Variants in FAM8A1 observed in about 807,000 individuals in gnomAD.
The protein encoded by FAM8A1 is protein FAM8A1.
A neutral mutation model predicts 38.3 loss-of-function variants in FAM8A1; 18 were observed. That is an observed-to-expected ratio of 0.47 (90% confidence interval 0.33 to 0.70). The LOEUF (loss-of-function observed/expected upper bound fraction) is 0.70, where lower values mean the gene tolerates loss of function less well. Among genes scored for constraint, FAM8A1 ranks in the 30% least tolerant of loss-of-function variants. The probability of loss-of-function intolerance (pLI) is 0.03; values close to 1 mark genes in which losing one functional copy is unlikely to be tolerated. For synonymous variants in FAM8A1, 246 were observed against 234.4 expected (o/e 1.05, Z -0.45); for missense variants, 559 against 559.6 (o/e 1.00, Z 0.01).
chr6:17,601,116 A>T lies in FAM8A1; in HGVS notation c.707A>T (p.Gln236Leu). 1 of 1,590,100 alleles carries T rather than the reference A, an allele frequency of 6.3e-7. No homozygotes were observed. Among genetic ancestry groups the T allele is most frequent in the Non-Finnish European group, 8.5e-7 (1 of 1,171,030 alleles). Residue 236 changes from glutamine to leucine, a missense_variant, in exon 1 of 5, where the codon CAG becomes CTG. By Grantham distance (113) the Gln-to-Leu change is moderately radical. Transcript: ENST00000259963. ...CGAAGCCCGAGCGAGACCGGGCGACAGGCAGGTGAGAAGCGCGAGGTGGAG... is the reference window on the plus strand; with the variant it reads ...CGAAGCCCGAGCGAGACCGGGCGACTGGCAGGTGAGAAGCGCGAGGTGGAG... The part of the protein sequence containing the change: ...PSRSPSETGR[Q>L]AGREYVIPSL...
chr6:17,600,637 C>T lies in FAM8A1; in HGVS notation c.228C>T (p.Arg76=). ...AGCCGCCGCGCGAGCTCAGGAAGCG[C>T]GGGGAGGCGGCCTCCGGCTCCGGTG... ...KLEPPRELRK[R]GEAASGSGAE... Residue 76 remains arginine (R), a synonymous_variant, in exon 1 of 5, where the codon CGC becomes CGT. Transcript: ENST00000259963. The T allele has an allele frequency of 6.5e-7, 1 of 1,535,382 alleles. No individual in the cohort carries two copies. Among genetic ancestry groups the T allele is most frequent in the South Asian group, 1.2e-5 (1 of 83,224 alleles).
rs1448863060 is a variant in FAM8A1 at position 17,608,975 on chromosome 6, A to C, written c.*636A>C. 3 of 152,296 alleles carry C rather than the reference A, an allele frequency of 2.0e-5. No homozygotes were observed. The highest frequency in any genetic ancestry group is 2.1e-4 in the South Asian group (1 of 4,828). 9.4% of individuals were successfully genotyped at this position (152,296 alleles called of 1,614,324 possible). A position where few individuals can be genotyped will look rare whatever the true frequency, so the allele number is the denominator to read the frequency against. On this transcript the variant is annotated 3_prime_UTR_variant, in exon 5 of 5. Transcript: ENST00000259963. ...CTTTACAACTATTCTTAATGCTTGA[A>C]CATGTATTTAGGGGCAAGTTTCTCA...
chr6:17,608,287 C>T lies in FAM8A1; in HGVS notation c.1190C>T (p.Ala397Val). 1 of 1,613,256 alleles carries T rather than the reference C, an allele frequency of 6.2e-7. No individual in the cohort carries two copies. ...TLLFFQHNRT[A>V]YDIVAGTIVV... ...CTGTTTTTTCAGCATAATCGAACAG[C>T]TTATGACATTGTAGCAGGAACCATT... Residue 397 changes from alanine (A) to valine (V), a missense_variant, in exon 5 of 5, where the codon GCT (alanine) becomes GTT (valine). By Grantham distance (64) the Ala-to-Val change is moderately conservative. Transcript: ENST00000259963.
In FAM8A1 at chr6:17,605,942, A is replaced by T. The variant is rs1561841766; in HGVS notation, c.1026A>T (p.Thr342=). 6.3e-7 allele frequency: 1 copy of T among 1,590,626 alleles called. No homozygotes were observed. Among genetic ancestry groups the T allele is most frequent in the Non-Finnish European group, 8.6e-7 (1 of 1,164,234 alleles). The change falls in exon 4 of 5, where the codon ACA becomes ACT. Residue 342 remains threonine, a synonymous_variant. Transcript: ENST00000259963. ...GKFLLGLRVV[T]CDTSVLIAPS... ...TCCTGCTGGGGCTTCGAGTTGTGAC[A>T]TGTGATACATCAGTGCTTATTGCAC...
intron 1 of FAM8A1, among the ~76,000 whole-genome samples, chr6:17,602,289 G>A (rs757551152): frequency 3.3e-5 from 5 of 152,164 alleles, no homozygotes; most frequent in Admixed American, 6.5e-5. Flanking sequence ...TGCCCGCCTC[G>A]GCCTCCTAAA....
rs140717130 is a variant in FAM8A1 at position 17,603,609 on chromosome 6, G to A, written c.833+899G>A. ...TTTTCTTTTTTTGAGACAGAGTCTTGCTCTGTCACCCAGGCTGGAGTGCAG... is the reference window on the plus strand; with the variant it reads ...TTTTCTTTTTTTGAGACAGAGTCTTACTCTGTCACCCAGGCTGGAGTGCAG... On this transcript the variant is annotated intron_variant, in intron 2 of 4. Transcript: ENST00000259963. Among the ~76,000 whole-genome samples, 1,413 of 152,080 alleles carry A rather than the reference G, an allele frequency of 9.3e-3. 12 individuals are homozygous for A. Among genetic ancestry groups the A allele is most frequent in the Non-Finnish European group, 0.015 (992 of 67,984 alleles).
At chr6:17,603,673 G>A (rs1039435879) in intron 2 of FAM8A1, among the ~76,000 whole-genome samples, 4 of 151,928 alleles carry the variant, frequency 2.6e-5, no homozygotes, top group African/African-American at 9.7e-5. Context: ...GATCTCCTGT[G>A]CCCAAGTGAC....
At position 17,609,918 on chromosome 6, in the gene FAM8A1, TTAA is replaced by T. The variant is rs1436835100; in HGVS notation, c.*1584_*1586del. 2 of 152,204 alleles carry T rather than the reference TTAA, an allele frequency of 1.3e-5. No homozygotes were observed. Among genetic ancestry groups the T allele is most frequent in the African/African-American group, 4.8e-5 (2 of 41,448 alleles). The allele number at this position is 152,204 out of a possible 1,614,324, so 9.4% of individuals were successfully genotyped here. ...TTTGATTATAGAAACTTAATGTCTA[TTAA>T]TAATTTTAGTACAAAATTTCATAAA... On this transcript the variant is annotated 3_prime_UTR_variant, in exon 5 of 5. Coordinates refer to ENST00000259963, the MANE Select transcript of FAM8A1 (RefSeq NM_016255.3).
intron 1 of FAM8A1, among the ~76,000 whole-genome samples, chr6:17,601,543 T>C (rs1215723027): frequency 6.6e-6 from 1 of 152,156 alleles, no homozygotes; most frequent in African/African-American, 2.4e-5. Flanking sequence ...TGAACGGATA[T>C]AAAAGGAGAT....
At chr6:17,605,151 G>T (rs1427623828) in intron 3 of FAM8A1, 122 bp downstream of exon 3, 1 of 793,566 alleles carries the variant, frequency 1.3e-6, no homozygotes, top group Non-Finnish European at 1.8e-6. Flanking sequence ...TGTGATCTTG[G>T]CTCACTGCAA....
rs1329094469 is a variant in FAM8A1, at chr6:17,602,689, T to C, written c.812T>C (p.Ile271Thr). The C allele has an allele frequency of 6.2e-7, 1 of 1,611,654 alleles. No homozygotes were observed. The highest frequency in any genetic ancestry group is 1.3e-5 in the African/African-American group (1 of 74,804). ...ATAAAAGCAACCATTGTCTTAAGCATTATGCACCTCAGTGGGATAAAGTAA... is the reference window on the plus strand; with the variant it reads ...ATAAAAGCAACCATTGTCTTAAGCACTATGCACCTCAGTGGGATAAAGTAA... ...FFIKATIVLS[I>T]MHLSGIKDIS... Residue 271 changes from isoleucine to threonine, a missense_variant, in exon 2 of 5, where the codon ATT becomes ACT. Transcript: ENST00000259963.
chr6:17,601,663 GA>G (rs1371526859), intron 1 of FAM8A1, among the ~76,000 whole-genome samples: 1 of 152,174 alleles, frequency 6.6e-6, no homozygotes, highest in Non-Finnish European at 1.5e-5. Flanking sequence ...GTGTGAACTA[GA>G]ATATTTTGAA....
In FAM8A1 at chr6:17,600,627, T is replaced by C; in HGVS notation, c.218T>C (p.Leu73Pro). 6.6e-7 allele frequency: 1 copy of C among 1,522,134 alleles called. No homozygotes were observed. Among genetic ancestry groups the C allele is most frequent in the Non-Finnish European group, 8.8e-7 (1 of 1,140,358 alleles). 94.3% of individuals were successfully genotyped at this position (1,522,134 alleles called of 1,614,324 possible). The stretch of plus-strand genomic sequence containing the variant: ...GACAAATTGGAGCCGCCGCGCGAGC[T>C]CAGGAAGCGCGGGGAGGCGGCCTCC... The part of the protein sequence containing the change: ...AADKLEPPRE[L>P]RKRGEAASGS... The change falls in exon 1 of 5, where the codon CTC becomes CCC. Residue 73 changes from leucine (L) to proline (P), a missense_variant. Around this residue, in one of 2 missense-constraint regions of FAM8A1, gnomAD observed 393 missense variants for 338.9 expected, o/e 1.16. Coordinates refer to ENST00000259963, the MANE Select transcript of FAM8A1 (RefSeq NM_016255.3).
chr6:17,600,473 C>T lies in FAM8A1; in HGVS notation c.64C>T (p.His22Tyr). The T allele has an allele frequency of 1.3e-6, 2 of 1,512,208 alleles. No individual in the cohort carries two copies. Among genetic ancestry groups the T allele is most frequent in the Non-Finnish European group, 1.8e-6 (2 of 1,133,262 alleles). 93.7% of individuals were successfully genotyped at this position (1,512,208 alleles called of 1,614,324 possible). A position where few individuals can be genotyped will look rare whatever the true frequency, so the allele number is the denominator to read the frequency against. ...CGGGCAGGACGATGGCGGAGGGGAC[C>T]ACGAGCCCGTCCCTTCCCTGAGAGG... ...PPGQDDGGGD[H>Y]EPVPSLRGPP... The change falls in exon 1 of 5, where the codon CAC becomes TAC. Residue 22 changes from histidine (H) to tyrosine (Y), a missense_variant. This residue lies in a region of FAM8A1 where 393 missense variants were observed against 338.9 expected (regional missense o/e 1.16). Coordinates refer to ENST00000259963, the MANE Select transcript of FAM8A1 (RefSeq NM_016255.3).
rs1764091089 is a variant in FAM8A1, at chr6:17,608,546, T to G, written c.*207T>G. The G allele has an allele frequency of 2.3e-6, 1 of 437,112 alleles. No individual in the cohort carries two copies. Among genetic ancestry groups the G allele is most frequent in the African/African-American group, 2.0e-5 (1 of 49,364 alleles). 27.1% of individuals were successfully genotyped at this position (437,112 alleles called of 1,614,324 possible). On this transcript the variant is annotated 3_prime_UTR_variant, in exon 5 of 5. Coordinates refer to ENST00000259963, the MANE Select transcript of FAM8A1 (RefSeq NM_016255.3). The stretch of plus-strand genomic sequence containing the variant: ...CCTGTTAAATTCAAGTATTAAAATT[T>G]TTAGATCAAAAAGGCAAATGATTTT...
rs775697141 is a variant in FAM8A1, at chr6:17,601,128, A to G, written c.712+7A>G. ...GAGACCGGGCGACAGGCAGGTGAGA[A>G]GCGCGAGGTGGAGGCTGGGCGGAGT... On this transcript the variant is annotated splice_region_variant and intron_variant, in intron 1 of 4. Transcript: ENST00000259963. 1.3e-6 allele frequency: 2 copies of G among 1,583,712 alleles called. No homozygotes were observed. The highest frequency in any genetic ancestry group is 2.7e-5 in the African/African-American group (2 of 74,756).
rs760569605 is a variant in FAM8A1, at chr6:17,609,871, A to C, written c.*1532A>C. 6.6e-6 allele frequency: 1 copy of C among 152,194 alleles called. No individual in the cohort carries two copies. The highest frequency in any genetic ancestry group is 1.5e-5 in the Non-Finnish European group (1 of 68,022). 9.4% of individuals were successfully genotyped at this position (152,194 alleles called of 1,614,324 possible). ...CAAAGGTTTTTCTTTGACGTTTAAA[A>C]CTGTGACAACAGATATTCACATTTG... is the stretch of plus-strand genomic sequence containing the variant. On this transcript the variant is annotated 3_prime_UTR_variant, in exon 5 of 5. Transcript: ENST00000259963.
rs1561840591 is a variant in FAM8A1, at chr6:17,601,067, A to G, written c.658A>G (p.Arg220Gly). 2.5e-6 allele frequency: 4 copies of G among 1,598,964 alleles called. No individual in the cohort carries two copies. The highest frequency in any genetic ancestry group is 3.4e-6 in the Non-Finnish European group (4 of 1,175,322). Residue 220 changes from arginine to glycine, a missense_variant, in exon 1 of 5, where the codon AGG becomes GGG. This residue lies in a region of FAM8A1 where 393 missense variants were observed against 338.9 expected (regional missense o/e 1.16). Coordinates refer to ENST00000259963, the MANE Select transcript of FAM8A1 (RefSeq NM_016255.3). ...QASVRATPVT[R>G]VGSAAPSRSP... ...GTCGGTCCGGGCCACTCCAGTGACG[A>G]GGGTAGGATCCGCAGCCCCTTCGCG...
chr6:17,608,391 G>A lies in FAM8A1; in HGVS notation c.*52G>A, dbSNP rs753383485. The A allele has an allele frequency of 6.4e-7, 1 of 1,572,664 alleles. No individual in the cohort carries two copies. The highest frequency in any genetic ancestry group is 1.2e-5 in the South Asian group (1 of 85,094). ...CACTAAGACTAAATTATGTATCAAG[G>A]CCATCAGTATCCCTGGGTTACACTA... On this transcript the variant is annotated 3_prime_UTR_variant, in exon 5 of 5. Transcript: ENST00000259963.
Sources: gnomAD v4.1 joint callset for allele counts (sites outside exome capture counted in the v4.1 genomes callset) on GRCh38, gnomAD v4.1.1 for gene constraint, gnomAD v4.1.1 regional missense constraint, MANE v1.5 for transcripts, NCBI Gene and HGNC (gene_info 2026-07-23, HGNC 2026-07-21) for gene names.